Variants in TBCA observed in about 807,000 individuals in gnomAD.
TBCA encodes tubulin-specific chaperone A.
Under a neutral mutation model 15.8 loss-of-function variants are expected in TBCA, and 6 were observed. The ratio of observed to expected loss-of-function variants is 0.38; its 90% CI spans 0.21 to 0.75. TBCA has a LOEUF of 0.75. Among genes scored for constraint, TBCA ranks in the 30% least tolerant of loss-of-function variants. The probability of loss-of-function intolerance (pLI) is 0.46; values close to 1 mark genes in which losing one functional copy is unlikely to be tolerated. For missense variants in TBCA, 90 were observed against 131.2 expected, an observed-to-expected ratio of 0.69 and a Z score of 1.53; for synonymous variants, 32 against 42.3, an observed-to-expected ratio of 0.76 and a Z score of 0.94.
intron 1 of TBCA, among the ~76,000 whole-genome samples, chr5:77,750,241 C>A (rs1405214714): frequency 1.3e-5 from 2 of 151,138 alleles, no homozygotes; most frequent in African/African-American, 4.9e-5. Flanking sequence ...ATATATATAT[C>A]CTATTCAAAA....
chr5:77,747,270 C>T (rs917144208), intron 1 of TBCA, among the ~76,000 whole-genome samples: 7 of 151,874 alleles, frequency 4.6e-5, no homozygotes, highest in East Asian at 1.9e-4. Context: ...AAAATCAAAT[C>T]GAAGAACTAC....
At chr5:77,746,564 C>G (rs1747192022) in intron 1 of TBCA, among the ~76,000 whole-genome samples, 2 of 152,152 alleles carry the variant, frequency 1.3e-5, no homozygotes, top group African/African-American at 4.8e-5. Flanking sequence ...GTCTAAACCT[C>G]CTTTTTCGAT....
At chr5:77,758,562 C>A (rs1467783807) in intron 1 of TBCA, among the ~76,000 whole-genome samples, 2 of 152,182 alleles carry the variant, frequency 1.3e-5, no homozygotes, top group Non-Finnish European at 2.9e-5. Flanking sequence ...GAATAAAGCC[C>A]TTCCTTCTAC....
chr5:77,764,481 GATTC>G (rs1304030048), intron 1 of TBCA, among the ~76,000 whole-genome samples: 1 of 151,904 alleles, frequency 6.6e-6, no homozygotes, highest in Non-Finnish European at 1.5e-5. Context: ...AACTAATTTG[GATTC>G]ATTCCTTACA....
intron 1 of TBCA, among the ~76,000 whole-genome samples, chr5:77,758,988 C>CT (rs1747542218): frequency 6.6e-6 from 1 of 152,152 alleles, no homozygotes; most frequent in African/African-American, 2.4e-5. Context: ...CACCAACTGC[C>CT]GATTATCATT....
rs565890072 is a variant in TBCA, at chr5:77,745,635, C to A, written c.53+30570G>T. 3.3e-5 allele frequency among the ~76,000 whole-genome samples: 5 copies of A among 152,232 alleles called. No homozygotes were observed. In the South Asian group the frequency reaches 1.0e-3, roughly 32 times the overall value. ...TAAGAACTGGTGATGGTATAGGGGGCCAATTTTGGCAAAAACTGAATAACA... is the reference window on the plus strand; with the variant it reads ...TAAGAACTGGTGATGGTATAGGGGGACAATTTTGGCAAAAACTGAATAACA... On this transcript the variant is annotated intron_variant, in intron 1 of 3. Coordinates refer to ENST00000380377, the MANE Select transcript of TBCA (RefSeq NM_004607.3).
intron 1 of TBCA, among the ~76,000 whole-genome samples, chr5:77,746,886 G>C (rs991784098): frequency 6.6e-6 from 1 of 151,918 alleles, no homozygotes; most frequent in East Asian, 1.9e-4. Flanking sequence ...CAGTTTCTTC[G>C]AAATAAAATT....
chr5:77,730,490 T>C (rs751937570), intron 1 of TBCA, among the ~76,000 whole-genome samples: 1 of 74,390 alleles, frequency 1.3e-5, no homozygotes, highest in Non-Finnish European at 4.2e-5. Context: ...GTTGTTTTTA[T>C]GCCACCCAGT....
chr5:77,713,157 G>A (rs555848316), intron 1 of TBCA, among the ~76,000 whole-genome samples: 31 of 152,222 alleles, frequency 2.0e-4, no homozygotes, highest in African/African-American at 7.2e-4. Flanking sequence ...TTAGCCAGGC[G>A]TGGTGGCATG....
chr5:77,698,141 A>G (rs1745912879), intron 2 of TBCA, among the ~76,000 whole-genome samples: 1 of 149,420 alleles, frequency 6.7e-6, no homozygotes, highest in Non-Finnish European at 1.5e-5. Context: ...AATAAAATTA[A>G]AAAACCAAAA....
intron 2 of TBCA, among the ~76,000 whole-genome samples, chr5:77,694,951 C>G (rs774829920): frequency 6.6e-6 from 1 of 152,182 alleles, no homozygotes; most frequent in Non-Finnish European, 1.5e-5. Context: ...TATACCTACA[C>G]ATTTAACCAC....
At position 77,771,122 on chromosome 5, in the gene TBCA, G is replaced by A. The variant is rs146455994; in HGVS notation, c.53+5083C>T. Among the ~76,000 whole-genome samples, 370 of 150,836 alleles carry A rather than the reference G, an allele frequency of 2.5e-3. 2 individuals carry two copies. The highest frequency in any genetic ancestry group is 8.8e-3 in the African/African-American group (360 of 40,980). ...GGTGACACAGCGAGACTCTGACTCT[G>A]AAAAAATAAAAATAAAAATAATATA... is the stretch of plus-strand genomic sequence containing the variant. On this transcript the variant is annotated intron_variant, in intron 1 of 3. Transcript: ENST00000380377.
chr5:77,717,051 T>G (rs1175319208), intron 1 of TBCA, among the ~76,000 whole-genome samples: 1 of 152,216 alleles, frequency 6.6e-6, no homozygotes, highest in Non-Finnish European at 1.5e-5. Context: ...GTGTGACACC[T>G]GCCACTTGTG....
chr5:77,720,919 A>G (rs952479285), intron 1 of TBCA, among the ~76,000 whole-genome samples: 17 of 152,214 alleles, frequency 1.1e-4, no homozygotes, highest in South Asian at 2.1e-4. Flanking sequence ...CTGGCAAACT[A>G]GAGTATTAGG....
At chr5:77,709,985 G>A (rs1179971733) in intron 1 of TBCA, among the ~76,000 whole-genome samples, 1 of 152,194 alleles carries the variant, frequency 6.6e-6, no homozygotes, top group African/African-American at 2.4e-5. Context: ...TAGATTAGTG[G>A]TTGCTTAGGA....
chr5:77,771,706 G>A (rs1426332635), intron 1 of TBCA, among the ~76,000 whole-genome samples: 1 of 152,108 alleles, frequency 6.6e-6, no homozygotes, highest in Admixed American at 6.5e-5. Flanking sequence ...TCTACTTATT[G>A]CCTGTTTCCA....
At chr5:77,774,455 CT>C (rs2112524929) in intron 1 of TBCA, among the ~76,000 whole-genome samples, 1 of 152,178 alleles carries the variant, frequency 6.6e-6, no homozygotes, top group South Asian at 2.1e-4. Context: ...CTTCATCTGC[CT>C]AATAAGAACC....
chr5:77,770,341 G>A (rs941624994), intron 1 of TBCA, among the ~76,000 whole-genome samples: 3 of 152,184 alleles, frequency 2.0e-5, no homozygotes, highest in African/African-American at 7.2e-5. Flanking sequence ...ATGCACTTAA[G>A]TTTTAAATTA....
chr5:77,769,997 C>G (rs923251960), intron 1 of TBCA, among the ~76,000 whole-genome samples: 3 of 152,124 alleles, frequency 2.0e-5, no homozygotes, highest in African/African-American at 7.2e-5. Context: ...TATTTTTAAT[C>G]AATTCATTCA....
Sources: allele counts gnomAD v4.1 joint callset (sites outside exome capture counted in the v4.1 genomes callset), GRCh38; gene constraint gnomAD v4.1.1; transcripts MANE v1.5; gene names NCBI Gene and HGNC (gene_info 2026-07-23, HGNC 2026-07-21).